The following SPTB variants were observed in gnomAD, a reference collection of about 807,000 sequenced individuals.
SPTB encodes the protein spectrin beta chain, erythrocytic.
A neutral mutation model predicts 256.2 loss-of-function variants in SPTB; 45 were observed. That is an observed-to-expected ratio of 0.18 (90% CI 0.14 to 0.23). SPTB has a LOEUF of 0.23. SPTB is among the 10% of genes least tolerant of loss of function. The pLI is 1.00. For synonymous variants in SPTB, 1,231 were observed against 1,243.1 expected (o/e 0.99, Z 0.21); for missense variants, 2,715 against 3,040.4 (o/e 0.89, Z 2.52).
rs200806426 is a variant in SPTB, at chr14:64,767,712, G to T, written c.6170C>A (p.Ser2057Tyr). The T allele has an allele frequency of 6.2e-7, 1 of 1,614,184 alleles. No individual in the cohort carries two copies. The highest frequency in any genetic ancestry group is 2.2e-5 in the East Asian group (1 of 44,880). ...LIKRHEAFEK[S>Y]TASWAERFAA... is the part of the protein sequence containing the mutation. ...AAAGCGCTCTGCCCAGCTGGCCGTG[G>T]ACTTCTCAAAAGCCTCATGCCTCTT... The change falls in exon 30 of 36, where the codon TCC becomes TAC. Residue 2057 changes from serine to tyrosine, a missense_variant. Coordinates refer to ENST00000644917, the MANE Select transcript of SPTB (RefSeq NM_001355436.2).
At chr14:64,837,355 C>A (rs2083541130) in intron 1 of SPTB, among the ~76,000 whole-genome samples, 1 of 152,178 alleles carries the variant, frequency 6.6e-6, no homozygotes, top group African/African-American at 2.4e-5. Context: ...ATTTACTCAA[C>A]AACAGCACCC....
intron 33 of SPTB, among the ~76,000 whole-genome samples, chr14:64,751,285 A>G (rs1211799111): frequency 6.6e-6 from 1 of 151,796 alleles, no homozygotes; most frequent in African/African-American, 2.4e-5. Context: ...ACACCCAGCT[A>G]ATTTTTGTAT....
chr14:64,869,494 G>C (rs1195582156), intron 1 of SPTB, among the ~76,000 whole-genome samples: 1 of 151,980 alleles, frequency 6.6e-6, no homozygotes, highest in Non-Finnish European at 1.5e-5. Context: ...GTCCAGGCTG[G>C]AGTTCAGTGG....
In SPTB at chr14:64,779,996, A is replaced by T; in HGVS notation, c.4267-65T>A. On this transcript the variant is annotated intron_variant, in intron 20 of 35. Transcript: ENST00000644917. The surrounding 1 kb of genome is among the most constrained non-coding windows in gnomAD (Gnocchi z 4.2). ...CCTGCACAGCCCCTCCATCTTCTTC[A>T]TTCATCTGCATCCCACCCATCCTTT... The T allele has an allele frequency of 1.4e-6, 2 of 1,383,886 alleles. No homozygotes were observed. The highest frequency in any genetic ancestry group is 2.1e-6 in the Non-Finnish European group (2 of 971,762). The allele number at this position is 1,383,886 out of a possible 1,614,324, so 85.7% of individuals were successfully genotyped here. A position where few individuals can be genotyped will look rare whatever the true frequency, so the allele number is the denominator to read the frequency against.
chr14:64,800,133 C>G (rs1454522223), intron 8 of SPTB, among the ~76,000 whole-genome samples, 199 bp from the exon 9 acceptor site: 1 of 152,226 alleles, frequency 6.6e-6, no homozygotes, highest in Non-Finnish European at 1.5e-5. Flanking sequence ...TGAGGCCCTC[C>G]TCTTGCCAAT....
Position 64,827,912 on chromosome 14 carries a change from A to G in SPTB, c.-51-4767T>C, listed in dbSNP as rs1201299682. ...CATGGGGTAACGATGTGGCCCAGAT[A>G]AGCATGCCACCTATGGGTGACCTTT... On this transcript the variant is annotated intron_variant, in intron 1 of 35. Transcript: ENST00000644917. This position sits in a 1 kb window ranked among gnomAD's most constrained non-coding sequence, Gnocchi z 4.6. Among the ~76,000 whole-genome samples, 7 of 152,166 alleles carry G rather than the reference A, an allele frequency of 4.6e-5. No individual in the cohort carries two copies. The East Asian group carries it at 1.3e-3, about 29-fold the overall frequency.
rs2082247177 is a variant in SPTB, at chr14:64,769,585, C to T, written c.5937+5G>A. 6.2e-7 allele frequency: 1 copy of T among 1,613,710 alleles called. No individual in the cohort carries two copies. On this transcript the variant is annotated splice_donor_5th_base_variant and intron_variant, in intron 28 of 35. Coordinates refer to ENST00000644917, the MANE Select transcript of SPTB (RefSeq NM_001355436.2). Reference sequence around the variant, plus strand: ...AGCTCGCCTCCATCCTTGCAGTCCCCTCACCTCCTCTGAGGCCTGGTGCTG... The same window carrying T: ...AGCTCGCCTCCATCCTTGCAGTCCCTTCACCTCCTCTGAGGCCTGGTGCTG...
intron 1 of SPTB, among the ~76,000 whole-genome samples, chr14:64,854,861 C>T (rs1331940342): frequency 6.6e-6 from 1 of 152,178 alleles, no homozygotes; most frequent in Non-Finnish European, 1.5e-5. Context: ...AGTGCTACCT[C>T]ACCCCAGAAA....
chr14:64,838,106 T>C (rs868443751), intron 1 of SPTB, among the ~76,000 whole-genome samples: 1 of 152,200 alleles, frequency 6.6e-6, no homozygotes, highest in African/African-American at 2.4e-5. Flanking sequence ...CAGAGATAGA[T>C]TGACATATAT....
At chr14:64,869,621 A>ATTTTTTTT (rs11302191) in intron 1 of SPTB, among the ~76,000 whole-genome samples, 2 of 139,508 alleles carry the variant, frequency 1.4e-5, no homozygotes, top group African/African-American at 2.7e-5. Context: ...GATTTTTTAA[A>ATTTTTTTT]TTTTTTTTTT....
intron 1 of SPTB, among the ~76,000 whole-genome samples, chr14:64,838,680 A>G (rs1234493171): frequency 1.3e-5 from 2 of 152,182 alleles, no homozygotes; most frequent in East Asian, 3.8e-4. Context: ...TAAAACCACA[A>G]TTAGACACCA....
intron 1 of SPTB, among the ~76,000 whole-genome samples, chr14:64,833,993 T>C (rs925965229): frequency 3.3e-5 from 5 of 152,198 alleles, no homozygotes; most frequent in African/African-American, 4.8e-5. Context: ...ATTGTCCCTG[T>C]CACTCCTTCT....
At chr14:64,858,749 G>A (rs1445694462) in intron 1 of SPTB, among the ~76,000 whole-genome samples, 1 of 152,190 alleles carries the variant, frequency 6.6e-6, no homozygotes, top group Admixed American at 6.5e-5. Context: ...CTACAGGAAA[G>A]GTCTGTCTGC....
At chr14:64,865,261 C>T (rs191438611) in intron 1 of SPTB, among the ~76,000 whole-genome samples, 4 of 151,852 alleles carry the variant, frequency 2.6e-5, no homozygotes, top group Admixed American at 2.0e-4. Context: ...CAAAGAATTA[C>T]GACTGCCAGG....
intron 1 of SPTB, among the ~76,000 whole-genome samples, chr14:64,877,619 C>T (rs1882887970): frequency 1.3e-5 from 2 of 152,212 alleles, no homozygotes; most frequent in African/African-American, 4.8e-5. Flanking sequence ...TTGGTTTCCT[C>T]ATTCATTCAA....
In SPTB at chr14:64,812,663, C is replaced by T. The variant is rs568770481; in HGVS notation, c.149-7573G>A. On this transcript the variant is annotated intron_variant, in intron 2 of 35. Transcript: ENST00000644917. ...GTGAGCAGCACACCAGCTGCCAGCCCCACCCACTGCAGCACCTGCTTCACC... is the reference window on the plus strand; with the variant it reads ...GTGAGCAGCACACCAGCTGCCAGCCTCACCCACTGCAGCACCTGCTTCACC... Among the ~76,000 whole-genome samples, 3 of 152,204 alleles carry T rather than the reference C, an allele frequency of 2.0e-5. No homozygotes were observed. In the East Asian group the frequency reaches 5.8e-4, roughly 29 times the overall value.
chr14:64,868,317 G>C (rs79533246), intron 1 of SPTB, among the ~76,000 whole-genome samples: 1 of 150,402 alleles, frequency 6.6e-6, no homozygotes, highest in Admixed American at 6.7e-5. Context: ...GTGGAAGTAT[G>C]GGGGGGAAAA....
chr14:64,879,098 G>A (rs1488179670), intron 1 of SPTB, among the ~76,000 whole-genome samples: 17 of 152,240 alleles, frequency 1.1e-4, no homozygotes, highest in Admixed American at 3.3e-4. Context: ...CTGGAGAGGA[G>A]GGTGAGGGTA....
At chr14:64,840,334 T>G (rs934927835) in intron 1 of SPTB, among the ~76,000 whole-genome samples, 2 of 152,202 alleles carry the variant, frequency 1.3e-5, no homozygotes, top group Admixed American at 6.5e-5. Context: ...ACATCCTTAT[T>G]TGAGCCTTTC....
Sources: gnomAD v4.1 joint callset for allele counts (sites outside exome capture counted in the v4.1 genomes callset) on GRCh38, gnomAD v4.1.1 for gene constraint, Gnocchi (gnomAD v3.1) non-coding constraint, MANE v1.5 for transcripts, NCBI Gene and HGNC (gene_info 2026-07-23, HGNC 2026-07-21) for gene names.